Variants in BIN2 observed in about 807,000 individuals in gnomAD.
BIN2 encodes bridging integrator 2, also known as breast cancer associated protein BRAP1.
BIN2 carries 43 observed loss-of-function variants against 67.9 expected under a neutral mutation model. The ratio of observed to expected loss-of-function variants is 0.63; its 90% confidence interval spans 0.50 to 0.82. The LOEUF (loss-of-function observed/expected upper bound fraction) is 0.82. BIN2 is among the 40% of genes least tolerant of loss of function. The pLI is 0.00. For synonymous variants in BIN2, 244 were observed against 246.8 expected (o/e 0.99, Z 0.11); for missense variants, 581 against 671.6 (o/e 0.87, Z 1.49).
Position 51,313,846 on chromosome 12 carries a change from C to T in BIN2, c.139G>A (p.Ala47Thr), listed in dbSNP as rs892811401. ...ACCTGTTGTTGGTAGAAGTTGCTAG[C>T]GCTTTGTTCAAATCGTTCATCTTTG... ...ETKDERFEQS[A>T]SNFYQQQAEG... The change falls in exon 2 of 13, where the codon GCT becomes ACT. Residue 47 changes from alanine (A) to threonine (T), a missense_variant. Ala to Thr is a moderately conservative substitution (Grantham distance 58). Coordinates refer to ENST00000615107, the MANE Select transcript of BIN2 (RefSeq NM_016293.4). The T allele has an allele frequency of 6.8e-6, 11 of 1,613,596 alleles. No homozygotes were observed. Among genetic ancestry groups the T allele is most frequent in the East Asian group, 6.7e-5 (3 of 44,872 alleles).
At chr12:51,290,327 G>A (rs988072102) in intron 10 of BIN2, among the ~76,000 whole-genome samples, 6 of 151,342 alleles carry the variant, frequency 4.0e-5, no homozygotes, top group African/African-American at 1.2e-4. Context: ...GTTTCACCAT[G>A]TTGGTTGGCC....
intron 2 of BIN2, among the ~76,000 whole-genome samples, chr12:51,306,757 A>G (rs1192423553): frequency 6.6e-6 from 1 of 152,256 alleles, no homozygotes; most frequent in African/African-American, 2.4e-5. Context: ...AGCATATTGG[A>G]GACAGATTCA....
At chr12:51,286,884 CG>C (rs1945248755) in intron 11 of BIN2, among the ~76,000 whole-genome samples, 1 of 152,048 alleles carries the variant, frequency 6.6e-6, no homozygotes, top group African/African-American at 2.4e-5. Context: ...AGTGCAGTGG[CG>C]TGATCATGGC....
chr12:51,284,029 T>C (rs1372061473), intron 12 of BIN2, among the ~76,000 whole-genome samples: 1 of 151,812 alleles, frequency 6.6e-6, no homozygotes, highest in Non-Finnish European at 1.5e-5. Flanking sequence ...TATTTTTTAA[T>C]GGTGTAGCCT....
At chr12:51,313,754 T>C in intron 2 of BIN2, 69 bp downstream of exon 2, 1 of 1,381,552 alleles carries the variant, frequency 7.2e-7, no homozygotes, top group Non-Finnish European at 1.0e-6. Context: ...GAACTTATTG[T>C]TCTTCTGCCA....
At chr12:51,284,607 G>T (rs773011542) in intron 12 of BIN2, 109 bp downstream of exon 12, 131 of 839,728 alleles carry the variant, frequency 1.6e-4, no homozygotes, top group Non-Finnish European at 2.4e-4. Flanking sequence ...TGCCCTAAGG[G>T]TATGGTTCAC....
intron 6 of BIN2, 83 bp downstream of exon 6, chr12:51,299,524 T>G (rs2137389729): frequency 1.5e-6 from 2 of 1,300,476 alleles, no homozygotes; most frequent in East Asian, 4.6e-5. Context: ...CCTATACCCA[T>G]GTTGGCCCAG....
intron 10 of BIN2, 131 bp from the exon 11 acceptor site, chr12:51,288,319 G>A: frequency 1.5e-6 from 1 of 660,314 alleles, no homozygotes; most frequent in Non-Finnish European, 2.7e-6. Flanking sequence ...GTCAGACACA[G>A]GCAGTAGTAG....
intron 2 of BIN2, among the ~76,000 whole-genome samples, 195 bp downstream of exon 2, chr12:51,313,628 A>G (rs1946052885): frequency 2.0e-5 from 3 of 152,144 alleles, no homozygotes; most frequent in Admixed American, 2.0e-4. Flanking sequence ...GGGGTGATCC[A>G]CTGCGCCTGG....
intron 10 of BIN2, among the ~76,000 whole-genome samples, chr12:51,289,335 C>A (rs183420024): frequency 2.7e-3 from 410 of 152,120 alleles, no homozygotes; most frequent in African/African-American, 9.6e-3. Context: ...TGACTTGAGG[C>A]CGGGCACGGT....
intron 3 of BIN2, 133 bp from the exon 4 acceptor site, chr12:51,302,913 C>G: frequency 9.1e-7 from 1 of 1,102,260 alleles, no homozygotes; most frequent in Non-Finnish European, 1.4e-6. Flanking sequence ...GTGAGGAAAG[C>G]TGGATGGGGC....
chr12:51,322,889 A>G (rs778402179), intron 1 of BIN2: 28 of 152,194 alleles, frequency 1.8e-4, no homozygotes, highest in Non-Finnish European at 3.7e-4. Flanking sequence ...AGCTACATCT[A>G]CATTCCATCA....
chr12:51,305,775 G>A (rs1405013689), intron 2 of BIN2, among the ~76,000 whole-genome samples: 1 of 149,964 alleles, frequency 6.7e-6, no homozygotes, highest in Non-Finnish European at 1.5e-5. Flanking sequence ...AAGAAAACTG[G>A]ACTAGTTATT....
chr12:51,292,050 A>G lies in BIN2; in HGVS notation c.1056T>C (p.Thr352=). Residue 352 remains threonine (T), a synonymous_variant, in exon 10 of 13, where the codon ACT becomes ACC. Coordinates refer to ENST00000615107, the MANE Select transcript of BIN2 (RefSeq NM_016293.4). ...CTTCCTCCTGGGACTTGGCCCTTTC[A>G]GTGGTAGGAGAGGGCTGGGCCTGGG... is the stretch of plus-strand genomic sequence containing the variant. The part of the protein sequence containing the change: ...GPAQAQPSPT[T]ERAKSQEEVL... The G allele has an allele frequency of 1.2e-6, 2 of 1,613,932 alleles. No individual in the cohort carries two copies. The highest frequency in any genetic ancestry group is 1.3e-5 in the African/African-American group (1 of 75,004).
intron 12 of BIN2, among the ~76,000 whole-genome samples, chr12:51,283,109 G>C (rs951274186): frequency 2.0e-5 from 3 of 150,782 alleles, no homozygotes; most frequent in Non-Finnish European, 4.4e-5. Flanking sequence ...ACAAAAATTA[G>C]CCAGGCATGG....
intron 9 of BIN2, among the ~76,000 whole-genome samples, chr12:51,295,587 T>TTTAGTAAA: frequency 8.7e-5 from 1 of 11,454 alleles, no homozygotes; most frequent in East Asian, 5.6e-3. Context: ...AATATATATA[T>TTTAGTAAA]ATATATATAT....
chr12:51,293,692 A>T (rs2137366196), intron 9 of BIN2, among the ~76,000 whole-genome samples: 1 of 152,354 alleles, frequency 6.6e-6, no homozygotes. Context: ...TAGGAAAGTC[A>T]CAGAACAGGA....
rs371766765 is a variant in BIN2, at chr12:51,322,082, C to G, written c.81+1940G>C. ...CAGATTTGAGTTTGCTCCTCTTTCT[C>G]TACTTCCTCAGGGTTCAGGCCAGAA... On this transcript the variant is annotated intron_variant, in intron 1 of 12. Coordinates refer to ENST00000615107, the MANE Select transcript of BIN2 (RefSeq NM_016293.4). Among the ~76,000 whole-genome samples, 6 of 152,342 alleles carry G rather than the reference C, an allele frequency of 3.9e-5. No homozygotes were observed. In the East Asian group the frequency reaches 9.6e-4, roughly 24 times the overall value.
chr12:51,316,404 G>A (rs1387779866), intron 1 of BIN2, among the ~76,000 whole-genome samples: 3 of 151,966 alleles, frequency 2.0e-5, no homozygotes, highest in African/African-American at 7.3e-5. Context: ...GCTGAGGCAT[G>A]AGAATCACTT....
Sources: allele counts gnomAD v4.1 joint callset (sites outside exome capture counted in the v4.1 genomes callset), GRCh38; gene constraint gnomAD v4.1.1; transcripts MANE v1.5; gene names NCBI Gene and HGNC (gene_info 2026-07-23, HGNC 2026-07-21).